The following RBFOX3 variants were observed in gnomAD, a reference collection of about 807,000 sequenced individuals.
The protein encoded by RBFOX3 is RNA binding fox-1 homolog 3, also known as RNA binding protein fox-1 homolog 3.
RBFOX3 carries 17 observed loss-of-function variants against 48.7 expected under a neutral mutation model. The observed-to-expected ratio is 0.35, with a 90% CI of 0.24 to 0.52. RBFOX3 has a LOEUF of 0.52. Among genes scored for constraint, RBFOX3 ranks in the 20% least tolerant of loss-of-function variants. RBFOX3 has a pLI of 0.94. For synonymous variants in RBFOX3, 212 were observed against 209.5 expected (o/e 1.01, Z -0.10); for missense variants, 382 against 497.5 (o/e 0.77, Z 2.21).
chr17:79,148,654 CA>C (rs2043594189), intron 4 of RBFOX3, among the ~76,000 whole-genome samples: 1 of 152,224 alleles, frequency 6.6e-6, no homozygotes, highest in Non-Finnish European at 1.5e-5. Flanking sequence ...AAACTAAGAC[CA>C]AGATCTAATC....
At chr17:79,190,509 G>A (rs140628027) in intron 4 of RBFOX3, among the ~76,000 whole-genome samples, 2 of 151,576 alleles carry the variant, frequency 1.3e-5, no homozygotes, top group East Asian at 1.9e-4. Context: ...GTGGCATCAC[G>A]TCGCCCAGTC....
chr17:79,114,292 C>A (rs1417425350), intron 5 of RBFOX3, among the ~76,000 whole-genome samples: 2 of 152,130 alleles, frequency 1.3e-5, no homozygotes, highest in Non-Finnish European at 2.9e-5. Flanking sequence ...TGGGGCCTGG[C>A]CTTTTCCATG....
chr17:79,487,532 G>A (rs953656404), intron 1 of RBFOX3, among the ~76,000 whole-genome samples: 25 of 152,132 alleles, frequency 1.6e-4, no homozygotes, highest in African/African-American at 5.3e-4. Flanking sequence ...GCTCACTATC[G>A]TGCCCCAGCG....
intron 2 of RBFOX3, among the ~76,000 whole-genome samples, chr17:79,360,820 A>C (rs2086186789): frequency 8.3e-6 from 1 of 120,748 alleles, no homozygotes; most frequent in Admixed American, 8.8e-5. Context: ...GCTCTGGATC[A>C]AATTCCTTTT....
At chr17:79,143,656 G>A (rs533166454) in intron 4 of RBFOX3, among the ~76,000 whole-genome samples, 1 of 152,270 alleles carries the variant, frequency 6.6e-6, no homozygotes, top group South Asian at 2.1e-4. Flanking sequence ...GCCACGTGCA[G>A]GAGCTCCCTA....
intron 4 of RBFOX3, among the ~76,000 whole-genome samples, chr17:79,171,018 G>C (rs987791611): frequency 2.0e-5 from 3 of 152,196 alleles, no homozygotes; most frequent in African/African-American, 7.2e-5. Context: ...CACCTGCCTA[G>C]GTCTCCGGTG....
intron 1 of RBFOX3, among the ~76,000 whole-genome samples, chr17:79,595,060 C>A (rs1012163938): frequency 2.0e-5 from 3 of 152,100 alleles, no homozygotes; most frequent in Admixed American, 6.5e-5. Context: ...CCTCAGAAGA[C>A]GCTGATCCCC....
intron 3 of RBFOX3, among the ~76,000 whole-genome samples, chr17:79,273,834 AG>A (rs1293370999): frequency 6.6e-6 from 1 of 152,218 alleles, no homozygotes; most frequent in African/African-American, 2.4e-5. Context: ...CCACAGTGAC[AG>A]GCAGTATTTG....
chr17:79,122,051 C>A (rs1303907851), intron 4 of RBFOX3, among the ~76,000 whole-genome samples: 1 of 152,070 alleles, frequency 6.6e-6, no homozygotes, highest in Non-Finnish European at 1.5e-5. Flanking sequence ...TCAGGAAACA[C>A]CTGCCCCCCA....
rs913050281 is a variant in RBFOX3, at chr17:79,421,337, A to T, written c.-175+61117T>A. ...CCTGAGAGTGGTTCTGGAAGCCTCT[A>T]CGCTTGAGGCTGGTGTCAGAAGTGG... On this transcript the variant is annotated intron_variant, in intron 2 of 14. Coordinates refer to ENST00000693108, the MANE Select transcript of RBFOX3 (RefSeq NM_001350451.2). This position sits in a 1 kb window ranked among gnomAD's most constrained non-coding sequence, Gnocchi z 4.5. Among the ~76,000 whole-genome samples, 16 of 152,130 alleles carry T rather than the reference A, an allele frequency of 1.1e-4. No homozygotes were observed. The highest frequency in any genetic ancestry group is 5.2e-4 in the Admixed American group (8 of 15,276).
Position 79,362,560 on chromosome 17 carries a change from T to C in RBFOX3, c.-174-54736A>G, listed in dbSNP as rs1018871843. Among the ~76,000 whole-genome samples the C allele has an allele frequency of 6.6e-6, 1 of 152,158 alleles. No individual in the cohort carries two copies. Among genetic ancestry groups the C allele is most frequent in the African/African-American group, 2.4e-5 (1 of 41,436 alleles). On this transcript the variant is annotated intron_variant, in intron 2 of 14. Transcript: ENST00000693108. The surrounding 1 kb of genome is among the most constrained non-coding windows in gnomAD (Gnocchi z 4.2). Reference sequence around the variant, plus strand: ...GCCTGGCTGTGGCTTGGGATGGAGATGGGAGCCTTTATGTCCCGCGTGTGA... The same window carrying C: ...GCCTGGCTGTGGCTTGGGATGGAGACGGGAGCCTTTATGTCCCGCGTGTGA...
intron 1 of RBFOX3, among the ~76,000 whole-genome samples, chr17:79,503,293 A>T (rs2082614874): frequency 1.3e-5 from 2 of 152,158 alleles, no homozygotes; most frequent in Non-Finnish European, 2.9e-5. Flanking sequence ...GACCCTTCAG[A>T]TTAGATCTGC....
intron 2 of RBFOX3, among the ~76,000 whole-genome samples, chr17:79,422,636 C>T (rs938253678): frequency 7.2e-5 from 11 of 152,276 alleles, no homozygotes; most frequent in Admixed American, 2.0e-4. Context: ...GATGCTGGGT[C>T]GTCACCCCGG....
chr17:79,440,116 G>C (rs534435745), intron 2 of RBFOX3, among the ~76,000 whole-genome samples: 1 of 152,262 alleles, frequency 6.6e-6, no homozygotes, highest in South Asian at 2.1e-4. Context: ...CGATAACCAG[G>C]CCTCCTCAGG....
intron 4 of RBFOX3, among the ~76,000 whole-genome samples, chr17:79,161,274 G>A (rs989601362): frequency 3.3e-5 from 5 of 152,120 alleles, no homozygotes; most frequent in South Asian, 2.1e-4. Context: ...GAGTCAAGTC[G>A]CAGAGCCCAG....
the RBFOX3 span, among the ~76,000 whole-genome samples, chr17:79,639,528 A>G: frequency 6.6e-6 from 1 of 152,162 alleles, no homozygotes; most frequent in Non-Finnish European, 1.5e-5. Flanking sequence ...TCAGACAAAG[A>G]CACCACAAGA....
intron 1 of RBFOX3, among the ~76,000 whole-genome samples, chr17:79,558,741 T>C (rs966349005): frequency 1.6e-3 from 246 of 152,244 alleles, no homozygotes; most frequent in African/African-American, 5.7e-3. Context: ...CCACCCACAG[T>C]GCGCGGAGGC....
At chr17:79,094,928 G>A (rs898399546) in intron 13 of RBFOX3, among the ~76,000 whole-genome samples, 2 of 152,134 alleles carry the variant, frequency 1.3e-5, no homozygotes, top group Non-Finnish European at 2.9e-5. Context: ...AACGAGGAGG[G>A]ACCAGGAACA....
intron 1 of RBFOX3, among the ~76,000 whole-genome samples, chr17:79,491,254 A>C (rs2080589602): frequency 1.3e-5 from 2 of 150,096 alleles, no homozygotes; most frequent in Non-Finnish European, 3.0e-5. Flanking sequence ...GGGAATGCAA[A>C]TAATAGAGGA....
Sources: gnomAD v4.1 joint callset for allele counts (sites outside exome capture counted in the v4.1 genomes callset) on GRCh38, gnomAD v4.1.1 for gene constraint, Gnocchi (gnomAD v3.1) non-coding constraint, MANE v1.5 for transcripts, NCBI Gene and HGNC (gene_info 2026-07-23, HGNC 2026-07-21) for gene names.